The following ANKRD30B variants were observed in gnomAD, a reference collection of about 807,000 sequenced individuals.
ANKRD30B encodes the protein ankyrin repeat domain 30B, also known as ankyrin repeat domain-containing protein 30B.
A neutral mutation model predicts 202.2 loss-of-function variants in ANKRD30B; 144 were observed. That is an observed-to-expected ratio of 0.71 (90% confidence interval 0.62 to 0.82). The LOEUF (loss-of-function observed/expected upper bound fraction) is 0.82, where lower values mean the gene tolerates loss of function less well. Among genes scored for constraint, ANKRD30B ranks in the 40% least tolerant of loss-of-function variants. The probability of loss-of-function intolerance (pLI) is 0.00; values close to 1 mark genes in which losing one functional copy is unlikely to be tolerated. For missense variants in ANKRD30B, 1,487 were observed against 1,669.1 expected (o/e 0.89, Z 1.90); for synonymous variants, 508 against 561.3 (o/e 0.91, Z 1.34).
chr18:14,933,492 G>A, the ANKRD30B span, among the ~76,000 whole-genome samples: 1 of 152,072 alleles, frequency 6.6e-6, no homozygotes, highest in African/African-American at 2.4e-5. Context: ...TGGGACTGCA[G>A]GGAGCAAGGG....
At chr18:14,807,404 A>G (rs1346428156) in intron 24 of ANKRD30B, among the ~76,000 whole-genome samples, 1 of 150,718 alleles carries the variant, frequency 6.6e-6, no homozygotes, top group African/African-American at 2.5e-5. Context: ...AAGCAATTGT[A>G]GAATTCATTC....
chr18:14,780,352 G>A (rs1449001656), intron 11 of ANKRD30B, among the ~76,000 whole-genome samples: 2 of 152,046 alleles, frequency 1.3e-5, no homozygotes, highest in East Asian at 3.9e-4. Context: ...AGCTGAGGCA[G>A]GAGAATCACT....
At chr18:14,776,530 CCATATTTGTT>C (rs1224106065) in intron 9 of ANKRD30B, among the ~76,000 whole-genome samples, 1 of 152,096 alleles carries the variant, frequency 6.6e-6, no homozygotes, top group African/African-American at 2.4e-5. Context: ...GAACAGTGGA[CCATATTTGTT>C]CATCATTTTG....
At chr18:14,881,231 T>C in the ANKRD30B span, among the ~76,000 whole-genome samples, 1 of 152,250 alleles carries the variant, frequency 6.6e-6, no homozygotes, top group Non-Finnish European at 1.5e-5. Flanking sequence ...TTGTCCTAGA[T>C]GGCTTTTATT....
the ANKRD30B span, among the ~76,000 whole-genome samples, chr18:14,899,248 T>G: frequency 6.6e-6 from 1 of 152,156 alleles, no homozygotes; most frequent in Non-Finnish European, 1.5e-5. Context: ...ATGATGAATG[T>G]TCTTCATTTT....
At chr18:14,872,003 A>G in the ANKRD30B span, among the ~76,000 whole-genome samples, 2 of 152,062 alleles carry the variant, frequency 1.3e-5, no homozygotes, top group South Asian at 2.1e-4. Flanking sequence ...CCCACACACT[A>G]TTTGAGGCAG....
chr18:14,851,934 G>A lies in ANKRD30B; in HGVS notation c.3990G>A (p.Leu1330=), dbSNP rs759569622. The change falls in exon 42 of 44, where the codon TTG becomes TTA. Residue 1330 remains leucine, a synonymous_variant. Transcript: ENST00000690538. ...LAFHSAGDAP[L]QGIMNVDVSN... ...TCCACAGTGCAGGAGATGCTCCTTTGCAAGGAATAATGAATGTTGATGTGA... is the reference window on the plus strand; with the variant it reads ...TCCACAGTGCAGGAGATGCTCCTTTACAAGGAATAATGAATGTTGATGTGA... 4 of 1,604,688 alleles carry A rather than the reference G, an allele frequency of 2.5e-6. No individual in the cohort carries two copies. In the African/African-American group the frequency reaches 5.4e-5, roughly 22 times the overall value.
chr18:14,864,667 C>G, the ANKRD30B span, among the ~76,000 whole-genome samples: 5 of 145,146 alleles, frequency 3.4e-5, no homozygotes, highest in South Asian at 6.7e-4. Flanking sequence ...CTGCTCTCAT[C>G]ATCCTCTTTT....
chr18:14,817,749 C>A (rs1369880083), intron 30 of ANKRD30B, among the ~76,000 whole-genome samples: 1 of 152,110 alleles, frequency 6.6e-6, no homozygotes, highest in African/African-American at 2.4e-5. Flanking sequence ...ATATGAAATT[C>A]TGAGGTTTCT....
intron 10 of ANKRD30B, among the ~76,000 whole-genome samples, chr18:14,779,429 C>A (rs754575216): frequency 1.6e-4 from 24 of 152,150 alleles, no homozygotes; most frequent in Non-Finnish European, 3.1e-4. Flanking sequence ...TTATTTAAAA[C>A]GCATTCACAC....
the ANKRD30B span, among the ~76,000 whole-genome samples, chr18:14,864,616 C>T: frequency 6.4e-3 from 966 of 151,584 alleles, 11 homozygotes; most frequent in African/African-American, 0.022. Context: ...TTTTCCCCAA[C>T]GTCTTTTCTC....
intron 16 of ANKRD30B, among the ~76,000 whole-genome samples, chr18:14,792,523 G>A (rs1355933813): frequency 5.3e-5 from 8 of 152,008 alleles, no homozygotes; most frequent in Non-Finnish European, 8.8e-5. Context: ...GAGGCAGGAA[G>A]CAGGGGACAA....
At chr18:14,809,681 A>G (rs1371714199) in intron 26 of ANKRD30B, among the ~76,000 whole-genome samples, 3 of 150,998 alleles carry the variant, frequency 2.0e-5, no homozygotes. Flanking sequence ...GCAGGGGGAA[A>G]CACATCACGC....
At chr18:14,834,783 C>CA (rs1971100884) in intron 34 of ANKRD30B, among the ~76,000 whole-genome samples, 1 of 151,834 alleles carries the variant, frequency 6.6e-6, no homozygotes, top group Non-Finnish European at 1.5e-5. Context: ...TATGTACCCC[C>CA]AAAACGTACA....
chr18:14,796,404 C>G lies in ANKRD30B; in HGVS notation c.1916C>G (p.Thr639Arg). The change falls in exon 18 of 44, where the codon ACA (threonine) becomes AGA (arginine). Residue 639 changes from threonine (T) to arginine (R), a missense_variant. Coordinates refer to ENST00000690538, the MANE Select transcript of ANKRD30B (RefSeq NM_001367607.2). ...NKALELKDRE[T>R]FKAESPDKDG... ...GCCTTAGAATTAAAGGACAGAGAAA[C>G]ATTCAAAGCAGGTAAATTTTGTAAT... 1.3e-6 allele frequency: 2 copies of G among 1,550,392 alleles called. No individual in the cohort carries two copies. The highest frequency in any genetic ancestry group is 1.2e-5 in the South Asian group (1 of 83,542).
the ANKRD30B span, chr18:14,905,831 G>A: frequency 6.6e-6 from 1 of 152,294 alleles, no homozygotes; most frequent in South Asian, 2.1e-4. Context: ...GCATCTTAGT[G>A]CCAAAGGGTC....
chr18:14,850,186 A>G (rs541689542), intron 40 of ANKRD30B, 28 bp from the exon 41 acceptor site: 1 of 1,385,290 alleles, frequency 7.2e-7, no homozygotes, highest in African/African-American at 1.5e-5. Flanking sequence ...AACAAAATGA[A>G]TTTTAAGATA....
chr18:14,748,175 A>T lies in ANKRD30B; in HGVS notation c.-245A>T. 1 of 384,202 alleles carries T rather than the reference A, an allele frequency of 2.6e-6. No homozygotes were observed. Among genetic ancestry groups the T allele is most frequent in the Non-Finnish European group, 4.6e-6 (1 of 215,918 alleles). 23.8% of individuals were successfully genotyped at this position (384,202 alleles called of 1,614,324 possible). ...GAGCTGCGCGTGAGCTGCTGCTGTA[A>T]CGCTCTAACGTTAGAGCAGCTAACG... On this transcript the variant is annotated 5_prime_UTR_variant, in exon 1 of 44. Coordinates refer to ENST00000690538, the MANE Select transcript of ANKRD30B (RefSeq NM_001367607.2).
At chr18:14,751,810 C>A (rs1456408332) in intron 1 of ANKRD30B, among the ~76,000 whole-genome samples, 1 of 152,044 alleles carries the variant, frequency 6.6e-6, no homozygotes, top group Non-Finnish European at 1.5e-5. Flanking sequence ...GCTAAAATTT[C>A]TTTCAGTGTT....
Sources: allele counts gnomAD v4.1 joint callset (sites outside exome capture counted in the v4.1 genomes callset), GRCh38; gene constraint gnomAD v4.1.1; transcripts MANE v1.5; gene names NCBI Gene and HGNC (gene_info 2026-07-23, HGNC 2026-07-21).